PRKCB: variants seen among roughly 807,000 people sequenced by gnomAD.
The protein encoded by PRKCB is protein kinase C beta, also known as protein kinase C beta type.
A neutral mutation model predicts 81.5 loss-of-function variants in PRKCB; 13 were observed. The ratio of observed to expected loss-of-function variants is 0.16; its 90% confidence interval spans 0.10 to 0.25. The LOEUF is 0.25. PRKCB is among the 10% of genes least tolerant of loss of function. PRKCB has a pLI of 1.00. For synonymous variants in PRKCB, 335 were observed against 321.4 expected (o/e 1.04, Z -0.45); for missense variants, 509 against 875.7 (o/e 0.58, Z 5.29).
At chr16:23,882,377 C>A (rs1963138279) in intron 2 of PRKCB, among the ~76,000 whole-genome samples, 1 of 151,810 alleles carries the variant, frequency 6.6e-6, no homozygotes, top group Admixed American at 6.6e-5. Flanking sequence ...CACTACCATG[C>A]CCAGTTAATT....
chr16:23,980,360 C>T (rs1004172126), intron 2 of PRKCB, among the ~76,000 whole-genome samples: 2 of 152,234 alleles, frequency 1.3e-5, no homozygotes, highest in South Asian at 2.1e-4. Flanking sequence ...TCAGCTTTGA[C>T]CTAGGAGGAA....
intron 2 of PRKCB, among the ~76,000 whole-genome samples, chr16:23,909,100 A>T (rs967513838): frequency 1.3e-5 from 2 of 152,098 alleles, no homozygotes; most frequent in African/African-American, 4.8e-5. Context: ...TGTACTGCAA[A>T]CCTGATATCA....
intron 16 of PRKCB, among the ~76,000 whole-genome samples, chr16:24,206,437 T>C (rs778038529): frequency 6.6e-6 from 1 of 152,184 alleles, no homozygotes; most frequent in Non-Finnish European, 1.5e-5. Flanking sequence ...GGTGTCCTGG[T>C]GTCTTGATGG....
chr16:23,941,115 T>A (rs1000657949), intron 2 of PRKCB, among the ~76,000 whole-genome samples: 1 of 152,204 alleles, frequency 6.6e-6, no homozygotes, highest in African/African-American at 2.4e-5. Context: ...AGTAAATATT[T>A]TAGGTTTATG....
intron 5 of PRKCB, among the ~76,000 whole-genome samples, chr16:24,061,657 G>A (rs1965974394): frequency 6.6e-6 from 1 of 152,052 alleles, no homozygotes. Context: ...GTTCCTTGGG[G>A]CCTTTAATTT....
chr16:23,879,829 T>C (rs1963078161), intron 2 of PRKCB, among the ~76,000 whole-genome samples: 1 of 152,158 alleles, frequency 6.6e-6, no homozygotes, highest in African/African-American at 2.4e-5. Flanking sequence ...AGCAGCATAG[T>C]AGTTCAGAGC....
chr16:23,911,128 C>CTTTTTTTTTTTTTGTTT (rs1963646144), intron 2 of PRKCB, among the ~76,000 whole-genome samples: 1 of 31,558 alleles, frequency 3.2e-5, no homozygotes, highest in African/African-American at 1.3e-4. Flanking sequence ...CGTATATATG[C>CTTTTTTTTTTTTTGTTT]TTTTTTTTTT....
intron 9 of PRKCB, among the ~76,000 whole-genome samples, chr16:24,135,705 G>A (rs990224716): frequency 6.6e-6 from 1 of 152,138 alleles, no homozygotes; most frequent in Non-Finnish European, 1.5e-5. Flanking sequence ...GTTCATGCCA[G>A]GAACAAAGGC....
intron 9 of PRKCB, 109 bp from the exon 10 acceptor site, chr16:24,154,575 C>A: frequency 2.0e-6 from 2 of 1,017,566 alleles, no homozygotes; most frequent in Middle Eastern, 2.2e-4. Flanking sequence ...TCAGAGTCAA[C>A]AGAAGGCACC....
chr16:24,051,709 TA>T (rs980736425), intron 5 of PRKCB, among the ~76,000 whole-genome samples: 10 of 151,456 alleles, frequency 6.6e-5, no homozygotes, highest in Non-Finnish European at 1.3e-4. Context: ...CCCCTGTCCC[TA>T]AAAAAAATTA....
chr16:24,191,482 A>T, intron 16 of PRKCB: 1 of 387,770 alleles, frequency 2.6e-6, no homozygotes. Context: ...CAATTATTGT[A>T]ACTGTCTTAG....
intron 2 of PRKCB, among the ~76,000 whole-genome samples, chr16:23,950,072 T>G (rs1964256108): frequency 7.0e-6 from 1 of 141,894 alleles, no homozygotes. Context: ...GGATGTGGCC[T>G]CCCCAGTGGC....
At chr16:23,996,223 C>CA (rs1964954866) in intron 3 of PRKCB, among the ~76,000 whole-genome samples, 1 of 152,168 alleles carries the variant, frequency 6.6e-6, no homozygotes, top group Non-Finnish European at 1.5e-5. Context: ...AGGGTGACCT[C>CA]AGCAGAGGAG....
At chr16:24,199,092 T>C (rs1967919444) in intron 16 of PRKCB, among the ~76,000 whole-genome samples, 1 of 152,200 alleles carries the variant, frequency 6.6e-6, no homozygotes, top group Non-Finnish European at 1.5e-5. Context: ...GCTGAAAACC[T>C]GGCAAGCTTT....
intron 5 of PRKCB, among the ~76,000 whole-genome samples, chr16:24,088,322 T>C (rs1404557644): frequency 6.6e-6 from 1 of 152,092 alleles, no homozygotes; most frequent in Non-Finnish European, 1.5e-5. Flanking sequence ...GCCCCTTTGG[T>C]AGAGAATAAG....
chr16:24,198,083 G>T (rs1967905126), intron 16 of PRKCB, among the ~76,000 whole-genome samples: 1 of 152,186 alleles, frequency 6.6e-6, no homozygotes, highest in South Asian at 2.1e-4. Context: ...CCAGGGAGTT[G>T]CTTTGTGTCT....
At chr16:24,021,231 T>TTTCCTTCC (rs1333275777) in intron 3 of PRKCB, among the ~76,000 whole-genome samples, 1 of 13,600 alleles carries the variant, frequency 7.4e-5, no homozygotes, top group Admixed American at 1.4e-3. Flanking sequence ...TCTTTCTTTC[T>TTTCCTTCC]TTCCTTCCTT....
intron 5 of PRKCB, among the ~76,000 whole-genome samples, chr16:24,047,789 G>A (rs758467931): frequency 6.6e-6 from 1 of 152,232 alleles, no homozygotes; most frequent in African/African-American, 2.4e-5. Context: ...TAGGGCACAG[G>A]TTGGGACTAG....
At chr16:23,879,743 C>T (rs1314389858) in intron 2 of PRKCB, among the ~76,000 whole-genome samples, 1 of 152,192 alleles carries the variant, frequency 6.6e-6, no homozygotes, top group African/African-American at 2.4e-5. Flanking sequence ...ATCCGCCCGC[C>T]TCGACCTTTC....
Sources: allele counts gnomAD v4.1 joint callset (sites outside exome capture counted in the v4.1 genomes callset), GRCh38; gene constraint gnomAD v4.1.1; transcripts MANE v1.5; gene names NCBI Gene and HGNC (gene_info 2026-07-23, HGNC 2026-07-21).